EIF4G3: variants seen among roughly 807,000 people sequenced by gnomAD.
The protein encoded by EIF4G3 is eukaryotic translation initiation factor 4 gamma 3, also known as eIF-4-gamma 3.
In EIF4G3, 34 loss-of-function variants were observed where a neutral mutation model predicts 186.4. The ratio of observed to expected loss-of-function variants is 0.18; its 90% CI spans 0.14 to 0.24. The LOEUF (loss-of-function observed/expected upper bound fraction) is 0.24. Among genes scored for constraint, EIF4G3 ranks in the 10% least tolerant of loss-of-function variants. EIF4G3 has a pLI of 1.00. For missense variants in EIF4G3, 1,536 were observed against 1,948.5 expected, an observed-to-expected ratio of 0.79 and a Z score of 3.99; for synonymous variants, 673 against 679.5, an observed-to-expected ratio of 0.99 and a Z score of 0.15.
chr1:20,868,525 T>C (rs1039891538), intron 20 of EIF4G3, among the ~76,000 whole-genome samples: 3 of 152,016 alleles, frequency 2.0e-5, no homozygotes, highest in Non-Finnish European at 4.4e-5. Flanking sequence ...CACCTCCTAA[T>C]GTAATTATAG....
rs549226267 is a variant in EIF4G3 at position 21,014,863 on chromosome 1, G to A, written c.-66-12055C>T. 2.0e-5 allele frequency among the ~76,000 whole-genome samples: 3 copies of A among 152,212 alleles called. No homozygotes were observed. In the East Asian group the frequency reaches 5.8e-4, roughly 29 times the overall value. On this transcript the variant is annotated intron_variant, in intron 4 of 36. Transcript: ENST00000602326. Reference sequence around the variant, plus strand: ...TTGGCCAGGCTGGTCTTGAACTCCTGATCTCAAGTGATCTGCCTGCCTTGG... The same window carrying A: ...TTGGCCAGGCTGGTCTTGAACTCCTAATCTCAAGTGATCTGCCTGCCTTGG...
At chr1:20,975,386 CAA>C (rs78713799) in intron 10 of EIF4G3, among the ~76,000 whole-genome samples, 1 of 127,732 alleles carries the variant, frequency 7.8e-6, no homozygotes. Flanking sequence ...AAACAAAAAA[CAA>C]AAAAAAAAAA....
At chr1:20,991,698 C>T (rs2081163100) in intron 7 of EIF4G3, among the ~76,000 whole-genome samples, 1 of 152,142 alleles carries the variant, frequency 6.6e-6, no homozygotes, top group South Asian at 2.1e-4. Context: ...TTCATCATCA[C>T]AGAAATTCTA....
chr1:21,151,507 G>C (rs2097550459), intron 2 of EIF4G3, among the ~76,000 whole-genome samples: 2 of 151,598 alleles, frequency 1.3e-5, no homozygotes, highest in South Asian at 4.2e-4. Flanking sequence ...CAAAGTGCTG[G>C]GATTACAGGC....
At chr1:20,932,700 C>G (rs764296773) in intron 14 of EIF4G3, among the ~76,000 whole-genome samples, 35 of 152,092 alleles carry the variant, frequency 2.3e-4, no homozygotes, top group Non-Finnish European at 4.1e-4. Flanking sequence ...GGCCGTCTTA[C>G]ATGGTTTGTG....
At chr1:21,065,398 A>G (rs906617426) in intron 3 of EIF4G3, among the ~76,000 whole-genome samples, 2 of 41,152 alleles carry the variant, frequency 4.9e-5, no homozygotes, top group African/African-American at 1.1e-4. Context: ...TGTTTCTACC[A>G]AAAAAAAAAA....
chr1:20,911,560 CAAAAAAAAAAA>C lies in EIF4G3; in HGVS notation c.1664-6600_1664-6590del, dbSNP rs60071144. Among the ~76,000 whole-genome samples, 47 of 40,726 alleles carry C rather than the reference CAAAAAAAAAAA, an allele frequency of 1.2e-3. No individual in the cohort carries two copies. The South Asian group carries it at 0.043, about 37-fold the overall frequency. 26.7% of individuals were successfully genotyped at this position (40,726 alleles called of 152,430 possible). ...TGGGTAACAGACTGAGACCCTGCCT[CAAAAAAAAAAA>C]AAAAAAAAAAAAAAAAAGAATGTAA... On this transcript the variant is annotated intron_variant, in intron 14 of 36. Coordinates refer to ENST00000602326, the MANE Select transcript of EIF4G3 (RefSeq NM_001391906.1).
intron 2 of EIF4G3, among the ~76,000 whole-genome samples, chr1:21,134,623 C>T (rs1386015271): frequency 4.6e-5 from 7 of 152,042 alleles, no homozygotes; most frequent in Admixed American, 6.6e-5. Flanking sequence ...GAGCTGAGAT[C>T]GCACCACTGC....
intron 18 of EIF4G3, among the ~76,000 whole-genome samples, chr1:20,890,702 C>T (rs1231114121): frequency 2.0e-5 from 3 of 152,164 alleles, no homozygotes; most frequent in African/African-American, 4.8e-5. Context: ...GCAATCCACC[C>T]GCTTTGGCCT....
chr1:21,002,580 G>C, intron 5 of EIF4G3, 133 bp downstream of exon 5: 1 of 821,614 alleles, frequency 1.2e-6, no homozygotes, highest in South Asian at 2.1e-5. Flanking sequence ...ATAATAGTAG[G>C]AGTCATAATA....
chr1:20,926,224 G>C (rs767750392), intron 14 of EIF4G3, among the ~76,000 whole-genome samples: 1 of 152,144 alleles, frequency 6.6e-6, no homozygotes, highest in Non-Finnish European at 1.5e-5. Context: ...TTTGAATTCT[G>C]ATTCTACCAC....
At chr1:20,860,581 T>C (rs766209157) in intron 23 of EIF4G3, 64 bp from the exon 24 acceptor site, 8 of 1,556,080 alleles carry the variant, frequency 5.1e-6, no homozygotes, top group Non-Finnish European at 6.9e-6. Context: ...ATTTAAAAAT[T>C]AGCAATTTTT....
chr1:21,053,540 A>G (rs1295544090), intron 3 of EIF4G3, among the ~76,000 whole-genome samples: 1 of 120,650 alleles, frequency 8.3e-6, no homozygotes. Flanking sequence ...TCCGGGAAGG[A>G]GGTGGGGGGG....
rs1357281712 is a variant in EIF4G3, at chr1:20,864,488, A to C, written c.2994T>G (p.Phe998Leu). Residue 998 changes from phenylalanine to leucine, a missense_variant, in exon 22 of 37, where the codon TTT (phenylalanine) becomes TTG (leucine). Phe to Leu is a conservative substitution (Grantham distance 22). Transcript: ENST00000602326. Reference sequence around the variant, plus strand: ...TTTGGATTTTTACCTTTGCTTTTTCAAAGTCCAAGTCTTTGCCAATGGTGG... The same window carrying C: ...TTTGGATTTTTACCTTTGCTTTTTCCAAGTCCAAGTCTTTGCCAATGGTGG... ...LLTTIGKDLDFEKAKPRMDQY... is the reference protein window; with the variant it reads ...LLTTIGKDLDLEKAKPRMDQY... The C allele has an allele frequency of 1.9e-6, 3 of 1,611,100 alleles. No individual in the cohort carries two copies. The highest frequency in any genetic ancestry group is 2.5e-6 in the Non-Finnish European group (3 of 1,179,238).
chr1:21,033,921 T>TA (rs989417022), intron 4 of EIF4G3, among the ~76,000 whole-genome samples: 7 of 151,786 alleles, frequency 4.6e-5, no homozygotes, highest in African/African-American at 7.2e-5. Context: ...CCTGCCTCTA[T>TA]AAAAAAAAAT....
intron 36 of EIF4G3, among the ~76,000 whole-genome samples, chr1:20,807,845 CTCTA>C (rs1179148734): frequency 6.9e-6 from 1 of 145,282 alleles, no homozygotes; most frequent in East Asian, 2.1e-4. Flanking sequence ...TCACTGCAAC[CTCTA>C]CCTCCTGGGT....
chr1:20,872,757 C>T (rs370827368), intron 20 of EIF4G3, among the ~76,000 whole-genome samples: 7 of 125,762 alleles, frequency 5.6e-5, no homozygotes, highest in South Asian at 2.5e-4. Flanking sequence ...CTCACTCTGT[C>T]GGCCAGGCTG....
intron 14 of EIF4G3, among the ~76,000 whole-genome samples, chr1:20,935,668 C>T (rs947149370): frequency 6.6e-6 from 1 of 152,102 alleles, no homozygotes; most frequent in Non-Finnish European, 1.5e-5. Context: ...TATCCATCAC[C>T]TCAAGTGTTT....
At chr1:20,842,429 G>A (rs1322374623) in intron 29 of EIF4G3, among the ~76,000 whole-genome samples, 2 of 152,138 alleles carry the variant, frequency 1.3e-5, no homozygotes, top group African/African-American at 4.8e-5. Context: ...GTGCAATGAC[G>A]TAATCTTGGC....
Sources: allele counts gnomAD v4.1 joint callset (sites outside exome capture counted in the v4.1 genomes callset), GRCh38; gene constraint gnomAD v4.1.1; transcripts MANE v1.5; gene names NCBI Gene and HGNC (gene_info 2026-07-23, HGNC 2026-07-21).